Variants in LEKR1 observed in about 807,000 individuals in gnomAD.
The protein encoded by LEKR1 is leucine, glutamate and lysine rich 1, also known as protein LEKR1.
Under a neutral mutation model 72.4 loss-of-function variants are expected in LEKR1, and 59 were observed. The observed-to-expected ratio is 0.82, with a 90% confidence interval of 0.66 to 1.01. LEKR1 has a LOEUF of 1.01. Ranked by LOEUF, LEKR1 falls within the 50% of genes least tolerant of loss-of-function variation. The probability of loss-of-function intolerance (pLI) is 0.00; values close to 1 mark genes in which losing one functional copy is unlikely to be tolerated. For missense variants in LEKR1, 728 were observed against 759.2 expected, an observed-to-expected ratio of 0.96 and a Z score of 0.48; for synonymous variants, 257 against 263.2, an observed-to-expected ratio of 0.98 and a Z score of 0.23.
At chr3:156,882,127 C>A (rs1306989008) in intron 3 of LEKR1, among the ~76,000 whole-genome samples, 4 of 149,378 alleles carry the variant, frequency 2.7e-5, no homozygotes, top group African/African-American at 9.9e-5. Flanking sequence ...AAAGCAATGG[C>A]AACAAAAGAC....
chr3:156,884,274 C>T (rs750724683), intron 3 of LEKR1, among the ~76,000 whole-genome samples: 2 of 152,062 alleles, frequency 1.3e-5, no homozygotes, highest in Admixed American at 6.6e-5. Context: ...TTACATTCAA[C>T]ATTAGTATTG....
chr3:156,883,930 A>G (rs1003535648), intron 3 of LEKR1, among the ~76,000 whole-genome samples: 2 of 152,180 alleles, frequency 1.3e-5, no homozygotes, highest in Non-Finnish European at 2.9e-5. Context: ...TAGGTCTAAT[A>G]GTAATTGTTT....
chr3:156,971,269 G>A (rs943177519), intron 6 of LEKR1, among the ~76,000 whole-genome samples: 12 of 151,994 alleles, frequency 7.9e-5, no homozygotes, highest in African/African-American at 1.7e-4. Context: ...AATGGTGCTG[G>A]GAAAACTGGC....
intron 7 of LEKR1, among the ~76,000 whole-genome samples, chr3:156,981,355 G>C (rs1049507777): frequency 5.3e-5 from 8 of 152,082 alleles, no homozygotes; most frequent in African/African-American, 1.9e-4. Flanking sequence ...TGAGAGTCAG[G>C]GTAGACTGGA....
chr3:157,013,454 A>C (rs563495177), intron 10 of LEKR1, among the ~76,000 whole-genome samples: 1 of 152,248 alleles, frequency 6.6e-6, no homozygotes, highest in South Asian at 2.1e-4. Flanking sequence ...GCTTTATGCT[A>C]GTAAGTTAAT....
chr3:157,023,912 T>C (rs956623059), intron 10 of LEKR1, among the ~76,000 whole-genome samples: 2 of 152,178 alleles, frequency 1.3e-5, no homozygotes, highest in African/African-American at 4.8e-5. Flanking sequence ...CATCATAAAT[T>C]GAAGGTATTG....
At chr3:156,930,858 A>G (rs766035002) in intron 5 of LEKR1, among the ~76,000 whole-genome samples, 3 of 152,180 alleles carry the variant, frequency 2.0e-5, no homozygotes, top group Non-Finnish European at 4.4e-5. Context: ...CTGAATACCC[A>G]TGTAGAAAAA....
intron 3 of LEKR1, chr3:156,888,305 A>C (rs1406358098): frequency 1.4e-6 from 1 of 701,994 alleles, no homozygotes; most frequent in Non-Finnish European, 2.6e-6. Context: ...AGCAAAATAT[A>C]CTTCAGACTC....
intron 2 of LEKR1, among the ~76,000 whole-genome samples, chr3:156,842,068 G>A (rs993907516): frequency 1.3e-5 from 2 of 152,114 alleles, no homozygotes; most frequent in Admixed American, 6.5e-5. Flanking sequence ...CTGATGATCC[G>A]AGGTGGAACA....
chr3:156,849,066 A>C (rs1199755062), intron 2 of LEKR1, among the ~76,000 whole-genome samples: 2 of 152,154 alleles, frequency 1.3e-5, no homozygotes, highest in Non-Finnish European at 2.9e-5. Context: ...AAGTCTCAGG[A>C]TACAAAATCA....
chr3:156,904,334 C>T (rs921483666), intron 3 of LEKR1, among the ~76,000 whole-genome samples: 6 of 151,332 alleles, frequency 4.0e-5, no homozygotes, highest in African/African-American at 1.5e-4. Flanking sequence ...TATCTTATAT[C>T]CCCTTATCCT....
At chr3:156,845,507 A>G (rs1224458415) in intron 2 of LEKR1, among the ~76,000 whole-genome samples, 2 of 151,588 alleles carry the variant, frequency 1.3e-5, no homozygotes, top group African/African-American at 4.8e-5. Context: ...TACTTGTAGA[A>G]TATGTGAGGT....
intron 3 of LEKR1, among the ~76,000 whole-genome samples, chr3:156,913,455 T>C (rs903262944): frequency 1.3e-4 from 20 of 152,170 alleles, no homozygotes; most frequent in Admixed American, 8.5e-4. Flanking sequence ...ATAGAAATGC[T>C]ACTGATTTTT....
chr3:156,934,142 A>T (rs1224132794), intron 5 of LEKR1, among the ~76,000 whole-genome samples: 2 of 152,120 alleles, frequency 1.3e-5, no homozygotes. Flanking sequence ...AATTTTAATA[A>T]TATTTACTAC....
intron 4 of LEKR1, among the ~76,000 whole-genome samples, chr3:156,923,860 T>C (rs1724447818): frequency 6.6e-6 from 1 of 152,110 alleles, no homozygotes; most frequent in South Asian, 2.1e-4. Context: ...CCCGAGTAGC[T>C]GGGACTACAG....
intron 12 of LEKR1, 22 bp downstream of exon 12, chr3:157,028,424 C>T: frequency 6.5e-7 from 1 of 1,542,988 alleles, no homozygotes; most frequent in Non-Finnish European, 8.7e-7. Flanking sequence ...ATAGTGGTAA[C>T]TTTGCAATTA....
chr3:157,025,469 T>C (rs905999558), intron 11 of LEKR1, among the ~76,000 whole-genome samples: 1 of 152,170 alleles, frequency 6.6e-6, no homozygotes, highest in Admixed American at 6.5e-5. Context: ...TGTGTGTGTG[T>C]GTGTATGTGT....
intron 3 of LEKR1, among the ~76,000 whole-genome samples, chr3:156,875,623 C>T (rs1037301271): frequency 1.3e-5 from 2 of 151,948 alleles, no homozygotes; most frequent in African/African-American, 4.8e-5. Context: ...TAGAAGAGTT[C>T]CAATGTTATC....
At chr3:156,953,673 C>T (rs1560104805) in intron 6 of LEKR1, among the ~76,000 whole-genome samples, 1 of 151,936 alleles carries the variant, frequency 6.6e-6, no homozygotes, top group Non-Finnish European at 1.5e-5. Flanking sequence ...CCAGATCCAT[C>T]CATGTCTCTT....
Sources: allele counts gnomAD v4.1 joint callset (sites outside exome capture counted in the v4.1 genomes callset), GRCh38; gene constraint gnomAD v4.1.1; transcripts MANE v1.5; gene names NCBI Gene and HGNC (gene_info 2026-07-23, HGNC 2026-07-21).